Variants in DZANK1 observed in about 807,000 individuals in gnomAD.
DZANK1 encodes double zinc ribbon and ankyrin repeat-containing protein 1.
In DZANK1, 91 loss-of-function variants were observed where a neutral mutation model predicts 94.5. That is an observed-to-expected ratio of 0.96 (90% CI 0.81 to 1.15). The LOEUF is 1.15. Ranked by LOEUF, DZANK1 falls within the 50% of genes most tolerant of loss-of-function variation. The pLI, the probability that DZANK1 is intolerant of heterozygous loss-of-function variation, is 0.00. For synonymous variants in DZANK1, 312 were observed against 325.3 expected (o/e 0.96, Z 0.44); for missense variants, 903 against 916.4 (o/e 0.99, Z 0.19).
chr20:18,414,728 A>C (rs13040855), intron 11 of DZANK1, among the ~76,000 whole-genome samples: 1 of 152,236 alleles, frequency 6.6e-6, no homozygotes, highest in African/African-American at 2.4e-5. Context: ...AAAACAACAC[A>C]CATGTCCAGC....
At position 18,451,402 on chromosome 20, in the gene DZANK1, A is replaced by G. The variant is rs138576227; in HGVS notation, c.543+1213T>C. Among the ~76,000 whole-genome samples the G allele has an allele frequency of 3.7e-4, 56 of 152,238 alleles. No individual in the cohort carries two copies. The East Asian group carries it at 0.01, about 28-fold the overall frequency. On this transcript the variant is annotated intron_variant, in intron 6 of 20. Coordinates refer to ENST00000262547, the Ensembl canonical transcript of DZANK1. ...CATCTCTTGGTTTCCATGGCAACAT[A>G]TTCTTTTGGCTTTCTTTCTACTTTC...
intron 10 of DZANK1, among the ~76,000 whole-genome samples, chr20:18,424,737 T>C (rs1323816502): frequency 6.6e-6 from 1 of 152,086 alleles, no homozygotes; most frequent in East Asian, 1.9e-4. Context: ...AAATGAAAAC[T>C]ATGCCCACAC....
At position 18,465,380 on chromosome 20, in the gene DZANK1, C is replaced by CTCTCTCTA; in HGVS notation, c.-19-4_-19-3insTAGAGAGA. On this transcript the variant is annotated splice_polypyrimidine_tract_variant and splice_region_variant and intron_variant, in intron 1 of 20. Transcript: ENST00000262547. Reference sequence around the variant, plus strand: ...TCATTTTCTCTCTCTCTCTCTCTCTCTATATATATATACATATAAATTCCA... The same window carrying CTCTCTCTA: ...TCATTTTCTCTCTCTCTCTCTCTCTCTCTCTCTATATATATATATACATATAAATTCCA... 5.6e-6 allele frequency: 5 copies of CTCTCTCTA among 898,110 alleles called. No homozygotes were observed. Among genetic ancestry groups the CTCTCTCTA allele is most frequent in the Non-Finnish European group, 6.4e-6 (4 of 626,020 alleles). 55.6% of individuals were successfully genotyped at this position (898,110 alleles called of 1,614,324 possible).
chr20:18,465,366 C>T, exon 2 of DZANK1: 1 of 1,397,328 alleles, frequency 7.2e-7, no homozygotes, highest in Non-Finnish European at 9.8e-7. Context: ...CATTTTCTCT[C>T]TCTCTCTCTC....
intron 13 of DZANK1, 80 bp from the exon 14 acceptor site, chr20:18,398,706 T>A: frequency 2.2e-6 from 3 of 1,347,618 alleles, no homozygotes; most frequent in Non-Finnish European, 3.2e-6. Flanking sequence ...GAACATATGT[T>A]CTTAGAGAGG....
intron 10 of DZANK1, among the ~76,000 whole-genome samples, chr20:18,425,037 A>G (rs6105916): frequency 0.36 from 55,046 of 152,064 alleles, 10,770 homozygotes; most frequent in Middle Eastern, 0.46. Flanking sequence ...TGGCTCAACT[A>G]GAAAGAAGAA....
chr20:18,427,397 A>G (rs2424191), intron 9 of DZANK1, among the ~76,000 whole-genome samples: 174 of 151,806 alleles, frequency 1.1e-3, no homozygotes, highest in Non-Finnish European at 1.9e-3. Context: ...TGTGTTGCCC[A>G]GTCTGGTGTC....
Position 18,389,556 on chromosome 20 carries a change from C to A in DZANK1, c.2018+145G>T, listed in dbSNP as rs147233912. 87 of 1,209,328 alleles carry A rather than the reference C, an allele frequency of 7.2e-5. No homozygotes were observed. The African/African-American group carries it at 1.1e-3, about 15-fold the overall frequency. 74.9% of individuals were successfully genotyped at this position (1,209,328 alleles called of 1,614,324 possible). A position where few individuals can be genotyped will look rare whatever the true frequency, so the allele number is the denominator to read the frequency against. On this transcript the variant is annotated intron_variant, in intron 19 of 20. Coordinates refer to ENST00000262547, the Ensembl canonical transcript of DZANK1. ...GCTATGGAAAACAGAAGGCGTTAAG[C>A]CTCTTATTAAAGCTGAAATAGGTTA...
chr20:18,423,231 C>G (rs1337463222), intron 10 of DZANK1, among the ~76,000 whole-genome samples: 1 of 152,174 alleles, frequency 6.6e-6, no homozygotes, highest in Non-Finnish European at 1.5e-5. Flanking sequence ...AAGTACTGTA[C>G]ATGCCATGAT....
At chr20:18,459,541 A>C (rs2424205) in intron 3 of DZANK1, among the ~76,000 whole-genome samples, 75,019 of 151,936 alleles carry the variant, frequency 0.49, 18,911 homozygotes, top group East Asian at 0.58. Flanking sequence ...ACAGCCACAC[A>C]GAATTGCAAG....
exon 5 of DZANK1, chr20:18,453,741 T>C: frequency 1.2e-6 from 2 of 1,610,816 alleles, no homozygotes; most frequent in Non-Finnish European, 1.7e-6. Context: ...CTGGAAACTT[T>C]CTAAGGTTAA....
At position 18,393,769 on chromosome 20, in the gene DZANK1, A is replaced by AT; in HGVS notation, c.1750dup (p.Ile584AsnfsTer22). 6.2e-7 allele frequency: 1 copy of AT among 1,613,236 alleles called. No individual in the cohort carries two copies. Among genetic ancestry groups the AT allele is most frequent in the South Asian group, 1.1e-5 (1 of 90,992 alleles). ...GGTCTTGAAATTCTTTATCCTTTTG[A>AT]TTTTTTCAATAGTATCTGAGGTACT... On this transcript the variant is annotated frameshift_variant, in exon 17 of 21. Coordinates refer to ENST00000262547, the Ensembl canonical transcript of DZANK1. LOFTEE classifies it high-confidence loss of function.
rs1239900592 is a variant in DZANK1, at chr20:18,393,692, A to C, written c.1809+19T>G. ...CAGGCTGAAGACAACATCCACAAGG[A>C]CCAAAAAAAGACACTTACTATAAGC... On this transcript the variant is annotated intron_variant, in intron 17 of 20. Transcript: ENST00000262547. 1 of 1,521,294 alleles carries C rather than the reference A, an allele frequency of 6.6e-7. No individual in the cohort carries two copies. Among genetic ancestry groups the C allele is most frequent in the Non-Finnish European group, 9.1e-7 (1 of 1,102,774 alleles). 94.2% of individuals were successfully genotyped at this position (1,521,294 alleles called of 1,614,324 possible). A position where few individuals can be genotyped will look rare whatever the true frequency, so the allele number is the denominator to read the frequency against.
chr20:18,455,425 A>G, intron 3 of DZANK1, 64 bp from the exon 4 acceptor site: 1 of 1,142,542 alleles, frequency 8.8e-7, no homozygotes, highest in East Asian at 2.6e-5. Flanking sequence ...AAAAGTGGCT[A>G]ACAAGATGAT....
intron 6 of DZANK1, among the ~76,000 whole-genome samples, chr20:18,451,668 C>T (rs190936975): frequency 3.2e-4 from 49 of 152,210 alleles, no homozygotes; most frequent in Admixed American, 1.4e-3. Flanking sequence ...TGCCCTTGGA[C>T]ACCTGCTCGT....
intron 17 of DZANK1, among the ~76,000 whole-genome samples, chr20:18,391,090 C>G (rs2055950416): frequency 6.6e-6 from 1 of 152,098 alleles, no homozygotes; most frequent in Non-Finnish European, 1.5e-5. Flanking sequence ...ACTTGGGAGG[C>G]TAAGGCAGGA....
At chr20:18,419,248 C>T (rs1242488815) in intron 10 of DZANK1, among the ~76,000 whole-genome samples, 5 of 141,776 alleles carry the variant, frequency 3.5e-5, no homozygotes, top group Admixed American at 7.5e-5. Context: ...GATGACAGAG[C>T]GAGACTCCAT....
chr20:18,405,175 TA>T (rs1219193565), intron 13 of DZANK1, among the ~76,000 whole-genome samples: 2 of 151,804 alleles, frequency 1.3e-5, no homozygotes, highest in Non-Finnish European at 2.9e-5. Flanking sequence ...CCAGCCTGGG[TA>T]ACAGAGCAAG....
chr20:18,445,869 G>A (rs1412683651), intron 7 of DZANK1, among the ~76,000 whole-genome samples: 1 of 152,110 alleles, frequency 6.6e-6, no homozygotes, highest in Non-Finnish European at 1.5e-5. Flanking sequence ...TGATTATTGT[G>A]CCTCAGCCTC....
Sources: allele counts gnomAD v4.1 joint callset (sites outside exome capture counted in the v4.1 genomes callset), GRCh38; gene constraint gnomAD v4.1.1; transcripts MANE v1.5; gene names NCBI Gene and HGNC (gene_info 2026-07-23, HGNC 2026-07-21).